UBE2D3: variants seen among roughly 807,000 people sequenced by gnomAD.
The protein encoded by UBE2D3 is ubiquitin-conjugating enzyme E2 D3.
UBE2D3 carries 2 observed loss-of-function variants against 22.8 expected under a neutral mutation model. The ratio of observed to expected loss-of-function variants is 0.09; its 90% confidence interval spans 0.04 to 0.28. The LOEUF is 0.28. Ranked by LOEUF, UBE2D3 falls within the 10% of genes least tolerant of loss-of-function variation. The pLI is 1.00. For synonymous variants in UBE2D3, 56 were observed against 60.4 expected (o/e 0.93, Z 0.34); for missense variants, 27 against 182.5 (o/e 0.15, Z 4.91).
chr4:102,868,653 C>A (rs223333), intron 1 of UBE2D3: 805,941 of 1,612,194 alleles, frequency 0.5, 203,775 homozygotes, highest in African/African-American at 0.68. Context: ...GGCCACAGCA[C>A]CCAAACTGTA....
At chr4:102,860,764 ATC>A (rs1480950243) in intron 1 of UBE2D3, among the ~76,000 whole-genome samples, 1 of 151,846 alleles carries the variant, frequency 6.6e-6, no homozygotes, top group African/African-American at 2.4e-5. Context: ...AGTTGCTGAT[ATC>A]TGTGTGCTAT....
At chr4:102,799,149 A>G (rs938456254) in intron 7 of UBE2D3, among the ~76,000 whole-genome samples, 2 of 152,002 alleles carry the variant, frequency 1.3e-5, no homozygotes, top group Admixed American at 6.6e-5. Flanking sequence ...TTCTTCCCCA[A>G]AAGTTGAGAA....
intron 1 of UBE2D3, among the ~76,000 whole-genome samples, chr4:102,865,600 A>G (rs1041099862): frequency 6.6e-6 from 1 of 152,192 alleles, no homozygotes. Context: ...TGTACCAGTG[A>G]AACTGATGAA....
At chr4:102,824,611 T>TA (rs768097958) in intron 2 of UBE2D3, among the ~76,000 whole-genome samples, 4 of 152,244 alleles carry the variant, frequency 2.6e-5, no homozygotes, top group Non-Finnish European at 2.9e-5. Flanking sequence ...CACTGTTATA[T>TA]TGTCTCTCTA....
At chr4:102,826,252 A>G (rs1730472963) in intron 2 of UBE2D3, among the ~76,000 whole-genome samples, 1 of 151,928 alleles carries the variant, frequency 6.6e-6, no homozygotes, top group Non-Finnish European at 1.5e-5. Flanking sequence ...CCTAATTTGC[A>G]CCGATTCCAC....
chr4:102,805,396 A>C (rs1726869561), intron 4 of UBE2D3, among the ~76,000 whole-genome samples: 1 of 152,162 alleles, frequency 6.6e-6, no homozygotes, highest in South Asian at 2.1e-4. Flanking sequence ...AATTTATGTT[A>C]GATTTTTTCA....
intron 1 of UBE2D3, among the ~76,000 whole-genome samples, chr4:102,849,578 G>A (rs1732238497): frequency 6.6e-6 from 1 of 152,114 alleles, no homozygotes; most frequent in Non-Finnish European, 1.5e-5. Context: ...ATATGGGCAA[G>A]TGACTTTAAC....
At chr4:102,838,400 C>G (rs1489930334) in intron 1 of UBE2D3, among the ~76,000 whole-genome samples, 1 of 152,018 alleles carries the variant, frequency 6.6e-6, no homozygotes, top group Non-Finnish European at 1.5e-5. Context: ...GAGTACTTTC[C>G]CCAGGGAAAT....
intron 2 of UBE2D3, among the ~76,000 whole-genome samples, chr4:102,813,876 GGTCA>G (rs1415251875): frequency 6.6e-6 from 1 of 152,132 alleles, no homozygotes; most frequent in South Asian, 2.1e-4. Flanking sequence ...GTTCGGGAAT[GGTCA>G]GTCTAGATTA....
chr4:102,797,654 C>T (rs1207450671), intron 7 of UBE2D3, among the ~76,000 whole-genome samples, 194 bp from the exon 8 acceptor site: 1 of 151,882 alleles, frequency 6.6e-6, no homozygotes, highest in Non-Finnish European at 1.5e-5. Flanking sequence ...GAGCCTGATG[C>T]TCTGAAAGTA....
chr4:102,863,894 G>A (rs223340), intron 1 of UBE2D3, among the ~76,000 whole-genome samples: 109,067 of 152,046 alleles, frequency 0.72, 40,793 homozygotes, highest in African/African-American at 0.93. Context: ...TTTTATATTA[G>A]TAACAATCTT....
intron 1 of UBE2D3, among the ~76,000 whole-genome samples, chr4:102,867,972 C>A (rs545292670): frequency 6.6e-6 from 1 of 151,894 alleles, no homozygotes; most frequent in South Asian, 2.1e-4. Flanking sequence ...CAAGACAATT[C>A]TTCTTCCAGT....
chr4:102,836,141 A>ATTTTTTTTTTTT (rs907557988), intron 1 of UBE2D3, among the ~76,000 whole-genome samples: 8 of 102,648 alleles, frequency 7.8e-5, no homozygotes, highest in Admixed American at 1.1e-4. Context: ...GTTTGTTTCC[A>ATTTTTTTTTTTT]TTTTTTTTTT....
intron 1 of UBE2D3, chr4:102,843,680 C>T (rs1731888786): frequency 6.8e-6 from 1 of 146,528 alleles, no homozygotes; most frequent in Non-Finnish European, 1.5e-5. Flanking sequence ...TGTGGCAAGT[C>T]CTGGAAGTTT....
At chr4:102,853,055 G>C (rs770970087) in intron 1 of UBE2D3, among the ~76,000 whole-genome samples, 23 of 151,708 alleles carry the variant, frequency 1.5e-4, no homozygotes, top group Non-Finnish European at 4.4e-5. Flanking sequence ...ACAATGCTGT[G>C]GGGGCACTCT....
At chr4:102,851,137 G>A (rs941531587) in intron 1 of UBE2D3, among the ~76,000 whole-genome samples, 10 of 152,156 alleles carry the variant, frequency 6.6e-5, no homozygotes, top group African/African-American at 2.2e-4. Flanking sequence ...TACAATATTT[G>A]CCCTCAATAA....
intron 1 of UBE2D3, among the ~76,000 whole-genome samples, chr4:102,847,468 A>G (rs1371359511): frequency 6.6e-6 from 1 of 150,422 alleles, no homozygotes; most frequent in Non-Finnish European, 1.5e-5. Context: ...GTATTTTTTC[A>G]TAGAGATGGG....
At chr4:102,817,948 T>A (rs1729015204) in intron 2 of UBE2D3, among the ~76,000 whole-genome samples, 1 of 152,192 alleles carries the variant, frequency 6.6e-6, no homozygotes, top group African/African-American at 2.4e-5. Flanking sequence ...ACAAAAACAC[T>A]AAAAAATTAC....
At chr4:102,816,360 C>A (rs1470997061) in intron 2 of UBE2D3, among the ~76,000 whole-genome samples, 1 of 152,164 alleles carries the variant, frequency 6.6e-6, no homozygotes, top group Non-Finnish European at 1.5e-5. Flanking sequence ...TTGACAGGCA[C>A]GTGTCATGGA....
Sources: gnomAD v4.1 joint callset for allele counts (sites outside exome capture counted in the v4.1 genomes callset) on GRCh38, gnomAD v4.1.1 for gene constraint, MANE v1.5 for transcripts, NCBI Gene and HGNC (gene_info 2026-07-23, HGNC 2026-07-21) for gene names.